ANKHD1: variants seen among roughly 807,000 people sequenced by gnomAD.
The protein encoded by ANKHD1 is ankyrin repeat and KH domain containing 1.
ANKHD1 carries 31 observed loss-of-function variants against 230.5 expected under a neutral mutation model. That is an observed-to-expected ratio of 0.13 (90% confidence interval 0.10 to 0.18). ANKHD1 has a LOEUF of 0.18. Among genes scored for constraint, ANKHD1 ranks in the 10% least tolerant of loss-of-function variants. The pLI is 1.00. For missense variants in ANKHD1, 2,256 were observed against 3,071.3 expected, an observed-to-expected ratio of 0.73 and a Z score of 6.27; for synonymous variants, 1,074 against 1,117.6, an observed-to-expected ratio of 0.96 and a Z score of 0.78.
chr5:140,487,569 G>A (rs1457330527), intron 14 of ANKHD1, among the ~76,000 whole-genome samples: 1 of 152,076 alleles, frequency 6.6e-6, no homozygotes, highest in South Asian at 2.1e-4. Flanking sequence ...AAAATAAAAT[G>A]TGTACAAGTA....
In ANKHD1 at chr5:140,528,230, C is replaced by T; in HGVS notation, c.5284C>T (p.Leu1762Phe). 1 of 1,611,164 alleles carries T rather than the reference C, an allele frequency of 6.2e-7. No individual in the cohort carries two copies. The highest frequency in any genetic ancestry group is 8.5e-7 in the Non-Finnish European group (1 of 1,179,382). ...ATATGCAGTTCAACTAATCAATGCA[C>T]TCATTCAAGATCCTGCTAAGGAACT... Reference protein sequence around the residue: ...TRYAVQLINALIQDPAKELED... With the variant: ...TRYAVQLINAFIQDPAKELED... The change falls in exon 29 of 34, where the codon CTC (leucine) becomes TTC (phenylalanine). Residue 1762 changes from leucine (L) to phenylalanine (F), a missense_variant. Physicochemically the swap from Leu to Phe is conservative, Grantham distance 22 (BLOSUM62 0). Transcript: ENST00000360839.
rs768723052 is a variant in ANKHD1, at chr5:140,401,903, C to G, written c.-65C>G. 8.0e-6 allele frequency: 12 copies of G among 1,506,750 alleles called. No individual in the cohort carries two copies. In the Admixed American group the frequency reaches 1.4e-4, roughly 18 times the overall value. The allele number at this position is 1,506,750 out of a possible 1,614,324, so 93.3% of individuals were successfully genotyped here. Reference sequence around the variant, plus strand: ...TCTTCCTCTTGCTGCTCTTCTCGTTCCCGAGATCAGCGGCGGCGGTGACCG... The same window carrying G: ...TCTTCCTCTTGCTGCTCTTCTCGTTGCCGAGATCAGCGGCGGCGGTGACCG... On this transcript the variant is annotated 5_prime_UTR_variant, in exon 1 of 34. Transcript: ENST00000360839.
intron 1 of ANKHD1, among the ~76,000 whole-genome samples, chr5:140,433,330 T>C (rs1773201757): frequency 6.6e-6 from 1 of 152,224 alleles, no homozygotes; most frequent in South Asian, 2.1e-4. Flanking sequence ...CTTCCCAAAG[T>C]GTGGAATTAC....
chr5:140,428,481 C>T (rs1027445567), intron 1 of ANKHD1, among the ~76,000 whole-genome samples: 40 of 152,350 alleles, frequency 2.6e-4, no homozygotes, highest in Non-Finnish European at 4.7e-4. Flanking sequence ...CAAAAAAACA[C>T]GAAAACCAGT....
At chr5:140,479,722 A>G (rs1481425408) in intron 10 of ANKHD1, among the ~76,000 whole-genome samples, 2 of 107,718 alleles carry the variant, frequency 1.9e-5, no homozygotes, top group Non-Finnish European at 4.0e-5. Flanking sequence ...CCCATTATAT[A>G]CATACATAGG....
intron 24 of ANKHD1, among the ~76,000 whole-genome samples, chr5:140,514,235 C>T (rs1025532635): frequency 2.6e-5 from 4 of 151,434 alleles, no homozygotes; most frequent in Non-Finnish European, 5.9e-5. Context: ...TGGCTCATGC[C>T]TGTAATCCCA....
At chr5:140,405,988 A>G (rs1310044470) in intron 1 of ANKHD1, among the ~76,000 whole-genome samples, 1 of 151,986 alleles carries the variant, frequency 6.6e-6, no homozygotes, top group Non-Finnish European at 1.5e-5. Flanking sequence ...GCCTGTAATC[A>G]CAGCACTTTG....
At position 140,527,852 on chromosome 5, in the gene ANKHD1, T is replaced by C; in HGVS notation, c.5088-21T>C. 4.4e-6 allele frequency: 7 copies of C among 1,607,658 alleles called. No individual in the cohort carries two copies. Among genetic ancestry groups the C allele is most frequent in the Non-Finnish European group, 5.9e-6 (7 of 1,177,036 alleles). ...AGAGACATTTAATTTCATAAGCTCA[T>C]GTGTATTCTTCATTTTATAGGTCAA... On this transcript the variant is annotated intron_variant, in intron 27 of 33. Coordinates refer to ENST00000360839, the MANE Select transcript of ANKHD1 (RefSeq NM_017747.3). The surrounding 1 kb of genome is among the most constrained non-coding windows in gnomAD (Gnocchi z 4.5).
At chr5:140,466,120 A>G (rs1258134041) in intron 10 of ANKHD1, among the ~76,000 whole-genome samples, 1 of 152,202 alleles carries the variant, frequency 6.6e-6, no homozygotes, top group Non-Finnish European at 1.5e-5. Context: ...GGCTGGGTGC[A>G]GTGGCTCATG....
Position 140,458,566 on chromosome 5 carries a change from A to G in ANKHD1, c.1243-59A>G, listed in dbSNP as rs1021519859. The G allele has an allele frequency of 7.8e-6, 12 of 1,538,900 alleles. No individual in the cohort carries two copies. In the Admixed American group the frequency reaches 9.8e-5, roughly 13 times the overall value. ...TCTCTTGCTTTCTTCTCTCCCACTT[A>G]AAAAAATCTCAAAACAAAAAATTTC... On this transcript the variant is annotated intron_variant, in intron 7 of 33. Transcript: ENST00000360839.
chr5:140,531,105 C>T (rs1200314362), intron 29 of ANKHD1, among the ~76,000 whole-genome samples: 1 of 152,120 alleles, frequency 6.6e-6, no homozygotes, highest in Non-Finnish European at 1.5e-5. Flanking sequence ...CTTTGAGAAG[C>T]CCCAGGGTGA....
At chr5:140,460,225 CAAT>C (rs1197557576) in intron 9 of ANKHD1, among the ~76,000 whole-genome samples, 1 of 151,384 alleles carries the variant, frequency 6.6e-6, no homozygotes, top group Non-Finnish European at 1.5e-5. Context: ...CTGTGGTAAG[CAAT>C]AAGTACTTTT....
Position 140,504,332 on chromosome 5 carries a change from G to A in ANKHD1, c.3005-489G>A, listed in dbSNP as rs372785127. ...CTCCCAAAGTGCTGGGATTACAGGC[G>A]TGGGCCACTGCGCCCAGCCCCCTTT... On this transcript the variant is annotated intron_variant, in intron 15 of 33. Transcript: ENST00000360839. Among the ~76,000 whole-genome samples the A allele has an allele frequency of 1.8e-4, 27 of 152,352 alleles. No individual in the cohort carries two copies. The South Asian group carries it at 4.6e-3, about 26-fold the overall frequency.
chr5:140,439,292 G>A (rs1404608177), intron 3 of ANKHD1, among the ~76,000 whole-genome samples: 2 of 152,114 alleles, frequency 1.3e-5, no homozygotes, highest in African/African-American at 2.4e-5. Flanking sequence ...TTAAAAACTT[G>A]TGCATCTAAT....
In ANKHD1 at chr5:140,505,774, G is replaced by A. The variant is rs909334255; in HGVS notation, c.3313G>A (p.Glu1105Lys). 4 of 1,612,972 alleles carry A rather than the reference G, an allele frequency of 2.5e-6. No individual in the cohort carries two copies. Among genetic ancestry groups the A allele is most frequent in the Non-Finnish European group, 3.4e-6 (4 of 1,179,622 alleles). ...AATAGHVGVV[E>K]ILLDKGGDIE... ...AACAGCAGGGCATGTTGGAGTTGTT[G>A]AAATCCTTTTGGATAAAGGTGGAGA... Residue 1105 changes from glutamate (E) to lysine (K), a missense_variant, in exon 18 of 34, where the codon GAA becomes AAA. Transcript: ENST00000360839.
At chr5:140,503,820 C>T (rs1187748364) in intron 15 of ANKHD1, among the ~76,000 whole-genome samples, 1 of 151,782 alleles carries the variant, frequency 6.6e-6, no homozygotes, top group Non-Finnish European at 1.5e-5. Flanking sequence ...AGGTGATCTG[C>T]CCACCTCAGC....
chr5:140,467,568 G>A (rs1261422530), intron 10 of ANKHD1, among the ~76,000 whole-genome samples: 2 of 152,094 alleles, frequency 1.3e-5, no homozygotes, highest in African/African-American at 4.8e-5. Flanking sequence ...GCTAGCCTGG[G>A]CAACATAGTG....
Position 140,486,985 on chromosome 5 carries a change from G to T in ANKHD1, c.2170G>T (p.Ala724Ser). ...GCCACGTGTGCCAACGCATACACTTGCCATGGTTGTACCTCCCCAGGAACC... is the reference window on the plus strand; with the variant it reads ...GCCACGTGTGCCAACGCATACACTTTCCATGGTTGTACCTCCCCAGGAACC... Reference protein sequence around the residue: ...QVPRVPTHTLAMVVPPQEPDR... With the variant: ...QVPRVPTHTLSMVVPPQEPDR... Residue 724 changes from alanine (A) to serine (S), a missense_variant, in exon 14 of 34, where the codon GCC (alanine) becomes TCC (serine). This residue lies in a region of ANKHD1 where 358 missense variants were observed against 397.7 expected (regional missense o/e 0.90). Coordinates refer to ENST00000360839, the MANE Select transcript of ANKHD1 (RefSeq NM_017747.3). 6.2e-7 allele frequency: 1 copy of T among 1,613,350 alleles called. No individual in the cohort carries two copies. Among genetic ancestry groups the T allele is most frequent in the Non-Finnish European group, 8.5e-7 (1 of 1,179,504 alleles).
rs531320975 is a variant in ANKHD1 at position 140,474,714 on chromosome 5, A to T, written c.1783-7866A>T. 1.5e-4 allele frequency among the ~76,000 whole-genome samples: 22 copies of T among 149,562 alleles called. No individual in the cohort carries two copies. In the South Asian group the frequency reaches 4.4e-3, roughly 30 times the overall value. On this transcript the variant is annotated intron_variant, in intron 10 of 33. Transcript: ENST00000360839. ...TGGGCTCATGGCATCCCCTTTCCTC[A>T]GCCTCCTGAGTAGCTAGGACTACAG...
Sources: gnomAD v4.1 joint callset for allele counts (sites outside exome capture counted in the v4.1 genomes callset) on GRCh38, gnomAD v4.1.1 for gene constraint, gnomAD v4.1.1 regional missense constraint, Gnocchi (gnomAD v3.1) non-coding constraint, MANE v1.5 for transcripts, NCBI Gene and HGNC (gene_info 2026-07-23, HGNC 2026-07-21) for gene names.